C13orf42: variants seen among roughly 807,000 people sequenced by gnomAD.
C13orf42 encodes uncharacterized protein C13orf42.
intron 1 of C13orf42, among the ~76,000 whole-genome samples, 170 bp downstream of exon 1, chr13:51,110,626 C>T (rs1489196096): frequency 6.6e-6 from 1 of 152,194 alleles, no homozygotes; most frequent in Non-Finnish European, 1.5e-5. Flanking sequence ...CTTAGCCACC[C>T]TTCCCCAGGC....
At chr13:51,149,119 G>A (rs1243848075) in intron 1 of C13orf42, among the ~76,000 whole-genome samples, 1 of 152,084 alleles carries the variant, frequency 6.6e-6, no homozygotes, top group Non-Finnish European at 1.5e-5. Context: ...TTTCAACCAC[G>A]CTGCTAATTT....
At chr13:51,107,323 AT>A (rs1953369270) in intron 1 of C13orf42, among the ~76,000 whole-genome samples, 1 of 152,238 alleles carries the variant, frequency 6.6e-6, no homozygotes, top group Admixed American at 6.5e-5. Context: ...TTAAAAAAAA[AT>A]TAGAATAGCA....
At chr13:51,154,935 G>A (rs1008083821) in intron 1 of C13orf42, among the ~76,000 whole-genome samples, 1 of 152,168 alleles carries the variant, frequency 6.6e-6, no homozygotes, top group African/African-American at 2.4e-5. Context: ...TTAAGGGGCC[G>A]GTAAGGTAGG....
intron 1 of C13orf42, among the ~76,000 whole-genome samples, chr13:51,092,873 C>T (rs1263407688): frequency 6.6e-6 from 1 of 152,076 alleles, no homozygotes; most frequent in Admixed American, 6.6e-5. Flanking sequence ...TACTCATCAT[C>T]AGCAACAACC....
intron 1 of C13orf42, among the ~76,000 whole-genome samples, chr13:51,128,972 G>A (rs908712355): frequency 6.6e-6 from 1 of 152,132 alleles, no homozygotes; most frequent in Non-Finnish European, 1.5e-5. Flanking sequence ...TAACCTTTGA[G>A]CTAGATGACC....
Position 51,145,686 on chromosome 13 carries a change from T to C in C13orf42, n.136+26567A>G, listed in dbSNP as rs1953728612. On this transcript the variant is annotated intron_variant and non_coding_transcript_variant, in intron 1 of 4. Transcript: ENST00000433280. ...TCACTGAGACAGGTGCGTATCTGAT[T>C]GCCTCCTTTGGAAAGACTAATGAGA... 2.0e-5 allele frequency among the ~76,000 whole-genome samples: 3 copies of C among 151,214 alleles called. No homozygotes were observed. In the South Asian group the frequency reaches 6.3e-4, roughly 32 times the overall value.
chr13:51,139,046 G>A (rs1593548619), intron 1 of C13orf42, among the ~76,000 whole-genome samples: 3 of 152,274 alleles, frequency 2.0e-5, no homozygotes, highest in Non-Finnish European at 4.4e-5. Context: ...GCCGGGTGCA[G>A]TAGTTCACAC....
intron 1 of C13orf42, among the ~76,000 whole-genome samples, chr13:51,122,066 T>A (rs1004370192): frequency 1.4e-4 from 22 of 152,196 alleles, no homozygotes; most frequent in Admixed American, 6.5e-4. Context: ...TGTTTTGAAG[T>A]CATGTAGAAA....
chr13:51,155,426 T>C (rs183977244), intron 1 of C13orf42, among the ~76,000 whole-genome samples: 22 of 152,370 alleles, frequency 1.4e-4, no homozygotes, highest in Non-Finnish European at 2.5e-4. Context: ...CTTCATGCAA[T>C]GAATTTTGTT....
intron 1 of C13orf42, among the ~76,000 whole-genome samples, chr13:51,105,615 T>C (rs567486165): frequency 7.2e-5 from 11 of 152,288 alleles, no homozygotes; most frequent in Non-Finnish European, 1.2e-4. Flanking sequence ...GCCCAGCTCT[T>C]TTTATCTTAG....
At chr13:51,142,973 C>T (rs1953707276) in intron 1 of C13orf42, among the ~76,000 whole-genome samples, 1 of 152,068 alleles carries the variant, frequency 6.6e-6, no homozygotes, top group African/African-American at 2.4e-5. Context: ...TTTATATAAT[C>T]AAGTTGTCAT....
Position 51,085,335 on chromosome 13 carries a change from T to C in C13orf42, c.787A>G (p.Lys263Glu). 2.5e-6 allele frequency: 1 copy of C among 398,548 alleles called. No individual in the cohort carries two copies. The highest frequency in any genetic ancestry group is 4.4e-6 in the Non-Finnish European group (1 of 226,046). 24.7% of individuals were successfully genotyped at this position (398,548 alleles called of 1,614,324 possible). ...AGCACTTACTCTTTTTTGCAGGCTTTGGGCTTAAATTTCCAGGTGTTGAAG... is the reference window on the plus strand; with the variant it reads ...AGCACTTACTCTTTTTTGCAGGCTTCGGGCTTAAATTTCCAGGTGTTGAAG... ...GAFNTWKFKP[K>E]ACKKDLGSSR... is the part of the protein sequence containing the mutation. The change falls in exon 3 of 4, where the codon AAA becomes GAA. Residue 263 changes from lysine to glutamate, a missense_variant. Physicochemically the swap from Lys to Glu is moderately conservative, Grantham distance 56. Transcript: ENST00000563710.
chr13:51,130,216 A>G (rs1044218563), intron 1 of C13orf42, among the ~76,000 whole-genome samples: 2 of 152,262 alleles, frequency 1.3e-5, no homozygotes, highest in African/African-American at 2.4e-5. Flanking sequence ...CATTTGGTCT[A>G]AATTATGCAG....
rs139993340 is a variant in C13orf42 at position 51,117,095 on chromosome 13, G to A, written n.137-3873C>T. ...ATGGCTCATTGGGGCCACAGGTATA[G>A]TAGACTGCCACATTTCCTTAGGAAG... On this transcript the variant is annotated intron_variant and non_coding_transcript_variant, in intron 1 of 4. Coordinates refer to the C13orf42 transcript ENST00000433280. Among the ~76,000 whole-genome samples the A allele has an allele frequency of 6.5e-3, 988 of 152,370 alleles. 3 individuals are homozygous for A. Among genetic ancestry groups the A allele is most frequent in the South Asian group, 0.013 (63 of 4,830 alleles).
At chr13:51,134,925 G>A (rs1468620197) in intron 1 of C13orf42, among the ~76,000 whole-genome samples, 1 of 152,196 alleles carries the variant, frequency 6.6e-6, no homozygotes, top group Non-Finnish European at 1.5e-5. Flanking sequence ...GCCGCAGCGG[G>A]GTAAGATTGA....
chr13:51,103,166 T>A (rs1003442187), intron 1 of C13orf42, among the ~76,000 whole-genome samples: 37 of 152,206 alleles, frequency 2.4e-4, no homozygotes, highest in Non-Finnish European at 2.9e-5. Flanking sequence ...AGCAGCAGCC[T>A]GGCTCTGTCG....
intron 1 of C13orf42, among the ~76,000 whole-genome samples, chr13:51,131,542 A>G (rs891003492): frequency 2.6e-5 from 4 of 152,194 alleles, no homozygotes; most frequent in Admixed American, 6.5e-5. Flanking sequence ...AAGAGCCCCA[A>G]GTTATCTGGG....
At chr13:51,101,668 G>A (rs894833656) in intron 1 of C13orf42, among the ~76,000 whole-genome samples, 22 of 152,250 alleles carry the variant, frequency 1.4e-4, no homozygotes, top group Admixed American at 2.0e-4. Context: ...GCTAAAGGTC[G>A]GAGTTAAAAA....
At chr13:51,095,089 G>A (rs1426642612) in intron 1 of C13orf42, among the ~76,000 whole-genome samples, 1 of 152,148 alleles carries the variant, frequency 6.6e-6, no homozygotes, top group Non-Finnish European at 1.5e-5. Flanking sequence ...GGAACTGTGA[G>A]TCCATTAAAC....
Sources: gnomAD v4.1 joint callset for allele counts (sites outside exome capture counted in the v4.1 genomes callset) on GRCh38, gnomAD v4.1.1 for gene constraint, MANE v1.5 for transcripts, NCBI Gene and HGNC (gene_info 2026-07-23, HGNC 2026-07-21) for gene names.